The following GRM5 variants were observed in gnomAD, a reference collection of about 807,000 sequenced individuals.
The protein encoded by GRM5 is glutamate metabotropic receptor 5.
A neutral mutation model predicts 83.1 loss-of-function variants in GRM5; 19 were observed. The ratio of observed to expected loss-of-function variants is 0.23; its 90% CI spans 0.16 to 0.34. The LOEUF (loss-of-function observed/expected upper bound fraction) is 0.34, where lower values mean the gene tolerates loss of function less well. Among genes scored for constraint, GRM5 ranks in the 10% least tolerant of loss-of-function variants. The probability of loss-of-function intolerance (pLI) is 1.00; values close to 1 mark genes in which losing one functional copy is unlikely to be tolerated. For synonymous variants in GRM5, 675 were observed against 633.6 expected, an observed-to-expected ratio of 1.07 and a Z score of -0.98; for missense variants, 1,160 against 1,588.3, an observed-to-expected ratio of 0.73 and a Z score of 4.58.
At chr11:88,789,688 A>C (rs1294283426) in intron 3 of GRM5, among the ~76,000 whole-genome samples, 3 of 152,198 alleles carry the variant, frequency 2.0e-5, no homozygotes, top group African/African-American at 7.2e-5. Context: ...CACCAGTGGC[A>C]TTCCAAAGCC....
chr11:88,581,867 A>G (rs1265073053), intron 7 of GRM5, among the ~76,000 whole-genome samples: 2 of 152,180 alleles, frequency 1.3e-5, no homozygotes, highest in Non-Finnish European at 2.9e-5. Context: ...GACATGTATC[A>G]TTCCTTATGG....
chr11:89,012,509 A>G (rs1940730740), intron 2 of GRM5, among the ~76,000 whole-genome samples: 1 of 152,136 alleles, frequency 6.6e-6, no homozygotes, highest in African/African-American at 2.4e-5. Flanking sequence ...TTTTGGGAAA[A>G]TGTATGATGC....
intron 2 of GRM5, among the ~76,000 whole-genome samples, chr11:89,008,349 C>G (rs762342339): frequency 6.6e-6 from 1 of 152,086 alleles, no homozygotes; most frequent in Non-Finnish European, 1.5e-5. Flanking sequence ...ATGCTCAGAT[C>G]TCTATCATAA....
chr11:88,657,181 G>T (rs1939785688), intron 3 of GRM5, among the ~76,000 whole-genome samples: 1 of 152,158 alleles, frequency 6.6e-6, no homozygotes, highest in Non-Finnish European at 1.5e-5. Context: ...AACACGTTGT[G>T]ACTAAAGGCT....
chr11:88,966,713 T>C (rs1056608266), intron 2 of GRM5, among the ~76,000 whole-genome samples: 2 of 152,172 alleles, frequency 1.3e-5, no homozygotes, highest in Non-Finnish European at 2.9e-5. Context: ...CTCAAGTTCA[T>C]GGACTTCAAT....
At chr11:88,621,769 A>G (rs939559466) in intron 4 of GRM5, among the ~76,000 whole-genome samples, 1 of 152,218 alleles carries the variant, frequency 6.6e-6, no homozygotes, top group Non-Finnish European at 1.5e-5. Context: ...TGAGCATGCT[A>G]AATGAAGATT....
At chr11:88,881,524 A>G (rs958712535) in intron 2 of GRM5, among the ~76,000 whole-genome samples, 1 of 81,760 alleles carries the variant, frequency 1.2e-5, no homozygotes, top group Admixed American at 1.2e-4. Context: ...TTTCAGTTAT[A>G]TGGAATAGCA....
chr11:88,958,284 T>G (rs1938684379), intron 2 of GRM5, among the ~76,000 whole-genome samples: 1 of 150,506 alleles, frequency 6.6e-6, no homozygotes, highest in Admixed American at 6.6e-5. Flanking sequence ...TTCTTTTTAC[T>G]GCACATAATA....
At chr11:88,815,418 A>C (rs779702146) in intron 3 of GRM5, among the ~76,000 whole-genome samples, 3 of 152,220 alleles carry the variant, frequency 2.0e-5, no homozygotes, top group Non-Finnish European at 2.9e-5. Context: ...GTGAGTTATC[A>C]ATTTAGGGCA....
chr11:88,952,845 A>G (rs1006511960), intron 2 of GRM5, among the ~76,000 whole-genome samples: 2 of 152,214 alleles, frequency 1.3e-5, no homozygotes, highest in Non-Finnish European at 2.9e-5. Flanking sequence ...ACAGATGTCT[A>G]TTTCCATCCA....
intron 3 of GRM5, among the ~76,000 whole-genome samples, chr11:88,674,619 T>C (rs1254803445): frequency 6.6e-6 from 1 of 151,880 alleles, no homozygotes; most frequent in African/African-American, 2.4e-5. Context: ...ACAAGGATTA[T>C]AGGTTTGGGG....
chr11:88,738,148 T>TTATTATTTGTACTTTA (rs1414465894), intron 3 of GRM5, among the ~76,000 whole-genome samples: 3 of 152,068 alleles, frequency 2.0e-5, no homozygotes, highest in Non-Finnish European at 4.4e-5. Context: ...TTATGTTATT[T>TTATTATTTGTACTTTA]TATTATTTGT....
intron 2 of GRM5, among the ~76,000 whole-genome samples, chr11:88,873,297 G>T (rs1944799990): frequency 6.6e-6 from 1 of 151,588 alleles, no homozygotes; most frequent in South Asian, 2.1e-4. Flanking sequence ...GCAATAGACA[G>T]ATCATCCAGA....
chr11:88,548,844 T>G (rs971919539), intron 8 of GRM5, among the ~76,000 whole-genome samples: 11 of 152,278 alleles, frequency 7.2e-5, no homozygotes, highest in Admixed American at 2.6e-4. Context: ...CACCAGAGAC[T>G]AGAGAAGTGA....
At chr11:88,718,737 GAAATTTTTC>G (rs1453986457) in intron 3 of GRM5, among the ~76,000 whole-genome samples, 1 of 151,832 alleles carries the variant, frequency 6.6e-6, no homozygotes, top group Non-Finnish European at 1.5e-5. Context: ...CATTCTGCAT[GAAATTTTTC>G]TATAATTTTC....
chr11:88,660,101 C>T (rs930565313), intron 3 of GRM5, among the ~76,000 whole-genome samples: 2 of 152,210 alleles, frequency 1.3e-5, no homozygotes, highest in African/African-American at 4.8e-5. Context: ...AGTCAACAGT[C>T]CATTAGGCAT....
intron 4 of GRM5, among the ~76,000 whole-genome samples, chr11:88,607,215 A>C (rs952113261): frequency 1.3e-5 from 2 of 152,170 alleles, no homozygotes; most frequent in African/African-American, 2.4e-5. Flanking sequence ...TTCCTTCCCC[A>C]CACAGACTGG....
intron 2 of GRM5, among the ~76,000 whole-genome samples, chr11:88,940,463 C>A (rs918159139): frequency 1.3e-5 from 2 of 150,612 alleles, no homozygotes; most frequent in Admixed American, 1.3e-4. Context: ...AAAGCGCTCC[C>A]ATTATACAGT....
chr11:88,985,119 C>A (rs1485589714), intron 2 of GRM5, among the ~76,000 whole-genome samples: 3 of 152,058 alleles, frequency 2.0e-5, no homozygotes, highest in Admixed American at 6.6e-5. Flanking sequence ...CACTCTCACA[C>A]CCAGTTCTCT....
Sources: gnomAD v4.1 joint callset for allele counts (sites outside exome capture counted in the v4.1 genomes callset) on GRCh38, gnomAD v4.1.1 for gene constraint, MANE v1.5 for transcripts, NCBI Gene and HGNC (gene_info 2026-07-23, HGNC 2026-07-21) for gene names.